Variants in PBX1 observed in about 807,000 individuals in gnomAD.
PBX1 encodes PBX homeobox 1.
In PBX1, 6 loss-of-function variants were observed where a neutral mutation model predicts 53.4. That is an observed-to-expected ratio of 0.11 (90% CI 0.06 to 0.22). The LOEUF (loss-of-function observed/expected upper bound fraction) is 0.22, where lower values mean the gene tolerates loss of function less well. Ranked by LOEUF, PBX1 falls within the 10% of genes least tolerant of loss-of-function variation. The pLI is 1.00. For synonymous variants in PBX1, 204 were observed against 212.3 expected (o/e 0.96, Z 0.34); for missense variants, 251 against 551.4 (o/e 0.46, Z 5.46).
chr1:164,576,412 G>C (rs1462961262), intron 2 of PBX1, among the ~76,000 whole-genome samples: 6 of 152,192 alleles, frequency 3.9e-5, no homozygotes, highest in African/African-American at 1.4e-4. Flanking sequence ...GCGGCGCCGC[G>C]TCGCACCCGG....
At chr1:164,620,826 G>T (rs183946771) in intron 2 of PBX1, among the ~76,000 whole-genome samples, 7 of 151,800 alleles carry the variant, frequency 4.6e-5, no homozygotes, top group Admixed American at 3.9e-4. Context: ...GGGATTACAG[G>T]CACCTGCTGC....
chr1:164,861,715 AG>A, intron 2 of PBX1, among the ~76,000 whole-genome samples: 1 of 152,218 alleles, frequency 6.6e-6, no homozygotes, highest in Non-Finnish European at 1.5e-5. Context: ...AAATCAAGGT[AG>A]GGTGGTCCAG....
chr1:164,849,140 GAGAC>G lies in PBX1; in HGVS notation c.*2466_*2469del. ...TTGACTTAGGGCAAAGTACGAAAGA[GAGAC>G]AAAAGGGTTCTCTTGGAAACAAGAA... On this transcript the variant is annotated 3_prime_UTR_variant, in exon 9 of 9. Transcript: ENST00000420696. 7.2e-7 allele frequency: 1 copy of G among 1,383,914 alleles called. No homozygotes were observed. Among genetic ancestry groups the G allele is most frequent in the Non-Finnish European group, 9.4e-7 (1 of 1,069,226 alleles). 85.7% of individuals were successfully genotyped at this position (1,383,914 alleles called of 1,614,324 possible).
chr1:164,771,102 C>T (rs1206449594), intron 2 of PBX1: 1 of 152,186 alleles, frequency 6.6e-6, no homozygotes, highest in African/African-American at 2.4e-5. Flanking sequence ...ATCTTCAACT[C>T]AGAGACCGCC....
intron 3 of PBX1, among the ~76,000 whole-genome samples, chr1:164,797,275 A>G (rs991452571): frequency 1.3e-5 from 2 of 152,170 alleles, no homozygotes; most frequent in Admixed American, 1.3e-4. Context: ...GCACTTGACA[A>G]TACTCCCTCA....
chr1:164,699,310 A>G (rs996274903), intron 2 of PBX1, among the ~76,000 whole-genome samples: 1 of 152,240 alleles, frequency 6.6e-6, no homozygotes, highest in African/African-American at 2.4e-5. Context: ...AGCTCCAGTA[A>G]CAGGGAGCCA....
intron 8 of PBX1, among the ~76,000 whole-genome samples, chr1:164,825,201 C>T (rs1487911602): frequency 6.6e-6 from 1 of 152,180 alleles, no homozygotes. Flanking sequence ...TTCATTCCCA[C>T]ATCACCTCTC....
At chr1:164,589,374 A>G (rs1025882063) in intron 2 of PBX1, among the ~76,000 whole-genome samples, 1 of 152,072 alleles carries the variant, frequency 6.6e-6, no homozygotes, top group East Asian at 1.9e-4. Context: ...GGGAGAGGGA[A>G]GAGTCTTCTC....
At chr1:164,761,017 C>G (rs1307714475) in intron 2 of PBX1, among the ~76,000 whole-genome samples, 1 of 152,176 alleles carries the variant, frequency 6.6e-6, no homozygotes, top group Non-Finnish European at 1.5e-5. Context: ...CAACCTCTGT[C>G]TGCCTGCCCC....
intron 2 of PBX1, among the ~76,000 whole-genome samples, chr1:164,856,884 A>T (rs1002779111): frequency 1.4e-4 from 22 of 152,088 alleles, no homozygotes; most frequent in Admixed American, 1.3e-3. Context: ...TGCTTTCTGG[A>T]TCCTTTGGTA....
intron 2 of PBX1, among the ~76,000 whole-genome samples, chr1:164,763,287 T>C (rs2102226799): frequency 6.6e-6 from 1 of 152,340 alleles, no homozygotes; most frequent in Admixed American, 6.5e-5. Flanking sequence ...GGTGATCCTG[T>C]GTCATCCTCG....
At chr1:164,840,102 A>C (rs930354885) in intron 8 of PBX1, among the ~76,000 whole-genome samples, 6 of 152,192 alleles carry the variant, frequency 3.9e-5, no homozygotes, top group Admixed American at 2.0e-4. Flanking sequence ...ACTGTAATAA[A>C]TAGCAGAAAA....
At chr1:164,668,008 A>G (rs903476322) in intron 2 of PBX1, among the ~76,000 whole-genome samples, 10 of 152,064 alleles carry the variant, frequency 6.6e-5, no homozygotes, top group African/African-American at 2.2e-4. Flanking sequence ...GTGGAGTGCT[A>G]TTTGCAGATC....
At chr1:164,735,483 G>A (rs1442070326) in intron 2 of PBX1, among the ~76,000 whole-genome samples, 3 of 152,142 alleles carry the variant, frequency 2.0e-5, no homozygotes, top group African/African-American at 7.2e-5. Flanking sequence ...AGAGAAAGAG[G>A]GAGAAGGAAA....
At chr1:164,802,601 C>T (rs1669134259) in intron 4 of PBX1, among the ~76,000 whole-genome samples, 1 of 152,190 alleles carries the variant, frequency 6.6e-6, no homozygotes, top group African/African-American at 2.4e-5. Context: ...ATGCCATCCA[C>T]TTACAGGGAA....
At chr1:164,737,104 G>T (rs1665335727) in intron 2 of PBX1, among the ~76,000 whole-genome samples, 1 of 152,152 alleles carries the variant, frequency 6.6e-6, no homozygotes, top group African/African-American at 2.4e-5. Context: ...TTCTTGCCTT[G>T]ACTTTTAGCA....
At chr1:164,852,269 A>T (rs931280532), downstream of PBX1, among the ~76,000 whole-genome samples, 1 of 152,236 alleles carries the variant, frequency 6.6e-6, no homozygotes, top group African/African-American at 2.4e-5. Flanking sequence ...GAAGGAATCT[A>T]GGTTACAAAT....
At position 164,848,904 on chromosome 1, in the gene PBX1, A is replaced by C. The variant is rs900801582; in HGVS notation, c.*2228A>C. Reference sequence around the variant, plus strand: ...ATGTGTATTTGAAGGAAATGCAAAAACTAAGTATTTAGCAAAATGAAATTA... The same window carrying C: ...ATGTGTATTTGAAGGAAATGCAAAACCTAAGTATTTAGCAAAATGAAATTA... On this transcript the variant is annotated 3_prime_UTR_variant, in exon 9 of 9. Transcript: ENST00000420696. 9.4e-7 allele frequency: 1 copy of C among 1,068,888 alleles called. No homozygotes were observed. Among genetic ancestry groups the C allele is most frequent in the Non-Finnish European group, 1.1e-6 (1 of 881,858 alleles). The allele number at this position is 1,068,888 out of a possible 1,614,324, so 66.2% of individuals were successfully genotyped here.
At chr1:164,794,754 C>G (rs1251444774) in intron 3 of PBX1, among the ~76,000 whole-genome samples, 1 of 152,194 alleles carries the variant, frequency 6.6e-6, no homozygotes, top group Non-Finnish European at 1.5e-5. Context: ...CAATGTTCTT[C>G]CTAATTCACC....
Sources: allele counts gnomAD v4.1 joint callset (sites outside exome capture counted in the v4.1 genomes callset), GRCh38; gene constraint gnomAD v4.1.1; transcripts MANE v1.5; gene names NCBI Gene and HGNC (gene_info 2026-07-23, HGNC 2026-07-21).